The following ZNF587 variants were observed in gnomAD, a reference collection of about 807,000 sequenced individuals.
The protein encoded by ZNF587 is zinc finger protein 587, also known as zinc finger protein zfp6.
A neutral mutation model predicts 7.5 loss-of-function variants in ZNF587; 8 were observed. The observed-to-expected ratio is 1.06, with a 90% CI of 0.62 to 1.92. ZNF587 has a LOEUF of 1.92. Ranked by LOEUF, ZNF587 falls within the 40% of genes most tolerant of loss-of-function variation. ZNF587 has a pLI of 0.00. For synonymous variants in ZNF587, 145 were observed against 237.8 expected (o/e 0.61, Z 3.59); for missense variants, 468 against 692.8 (o/e 0.68, Z 3.64).
At position 57,859,887 on chromosome 19, in the gene ZNF587, A is replaced by G; in HGVS notation, c.1475A>G (p.Tyr492Cys). ...AGGATTCACACTGGAGAAAGGCCGT[A>G]TGAATGCAGTGAATGTGGGAAATCA... ...HQRIHTGERP[Y>C]ECSECGKSFL... is the part of the protein sequence containing the mutation. The change falls in exon 3 of 3, where the codon TAT (tyrosine) becomes TGT (cysteine). Residue 492 changes from tyrosine (Y) to cysteine (C), a missense_variant. By Grantham distance (194) the Tyr-to-Cys change is radical. Transcript: ENST00000339656. The G allele has an allele frequency of 6.2e-7, 1 of 1,614,264 alleles. No homozygotes were observed. Among genetic ancestry groups the G allele is most frequent in the Non-Finnish European group, 8.5e-7 (1 of 1,180,042 alleles).
intron 1 of ZNF587, among the ~76,000 whole-genome samples, chr19:57,853,233 C>T (rs1046317872): frequency 1.3e-5 from 2 of 152,194 alleles, no homozygotes; most frequent in African/African-American, 4.8e-5. Flanking sequence ...ATCTTAGCAG[C>T]TGTAACCATG....
At position 57,863,068 on chromosome 19, in the gene ZNF587, C is replaced by G; in HGVS notation, c.*2928C>G. The G allele has an allele frequency of 6.5e-6, 1 of 153,004 alleles. No individual in the cohort carries two copies. The highest frequency in any genetic ancestry group is 1.5e-5 in the Non-Finnish European group (1 of 68,250). 9.5% of individuals were successfully genotyped at this position (153,004 alleles called of 1,614,324 possible). A position where few individuals can be genotyped will look rare whatever the true frequency, so the allele number is the denominator to read the frequency against. On this transcript the variant is annotated 3_prime_UTR_variant, in exon 3 of 3. Transcript: ENST00000339656. ...CCGGGTTCACGCCATTCTCTTGCCTCAGCCTCCTGAGTAGCTGGGACCACA... is the reference window on the plus strand; with the variant it reads ...CCGGGTTCACGCCATTCTCTTGCCTGAGCCTCCTGAGTAGCTGGGACCACA...
At chr19:57,852,537 TTTTC>T in intron 1 of ZNF587, 1 of 394,796 alleles carries the variant, frequency 2.5e-6, no homozygotes, top group Non-Finnish European at 4.5e-6. Flanking sequence ...TTTCTTTTTT[TTTTC>T]TTAACGTGGA....
In ZNF587 at chr19:57,861,197, C is replaced by T. The variant is rs1434450277; in HGVS notation, c.*1057C>T. 1 of 152,114 alleles carries T rather than the reference C, an allele frequency of 6.6e-6. No individual in the cohort carries two copies. The allele number at this position is 152,114 out of a possible 1,614,324, so 9.4% of individuals were successfully genotyped here. The stretch of plus-strand genomic sequence containing the variant: ...CTATGACTTAAGAATGAAATTATTG[C>T]TCATTTGTATATCTATCTACCATCA... On this transcript the variant is annotated 3_prime_UTR_variant, in exon 3 of 3. Coordinates refer to ENST00000339656, the MANE Select transcript of ZNF587 (RefSeq NM_032828.4).
In ZNF587 at chr19:57,862,332, A is replaced by G. The variant is rs527269564; in HGVS notation, c.*2192A>G. The G allele has an allele frequency of 1.1e-4, 16 of 152,362 alleles. No homozygotes were observed. The highest frequency in any genetic ancestry group is 1.4e-4 in the African/African-American group (6 of 41,594). The allele number at this position is 152,362 out of a possible 1,614,324, so 9.4% of individuals were successfully genotyped here. A position where few individuals can be genotyped will look rare whatever the true frequency, so the allele number is the denominator to read the frequency against. On this transcript the variant is annotated 3_prime_UTR_variant, in exon 3 of 3. Coordinates refer to ENST00000339656, the MANE Select transcript of ZNF587 (RefSeq NM_032828.4). ...AAGAACTTTATGTTATCCAAGTTCT[A>G]GGATAGCCATGAGCTCCAATTATCT...
At chr19:57,855,116 A>G (rs534720136) in intron 1 of ZNF587, among the ~76,000 whole-genome samples, 9 of 151,816 alleles carry the variant, frequency 5.9e-5, no homozygotes, top group African/African-American at 9.7e-5. Context: ...CCTGGGAGGC[A>G]GAGCTTGCAC....
In ZNF587 at chr19:57,859,231, T is replaced by C; in HGVS notation, c.819T>C (p.Cys273=). The C allele has an allele frequency of 6.2e-7, 1 of 1,606,384 alleles. No homozygotes were observed. The highest frequency in any genetic ancestry group is 8.5e-7 in the Non-Finnish European group (1 of 1,177,490). The change falls in exon 3 of 3, where the codon TGT becomes TGC. Residue 273 remains cysteine (C), a synonymous_variant. Coordinates refer to ENST00000339656, the MANE Select transcript of ZNF587 (RefSeq NM_032828.4). ...AAGGACCTTATGATTGTGGAGAGTG[T>C]GGGAAATCTTATAGTCGAAAGAGCA... ...TAKGPYDCGE[C]GKSYSRKSSL...
At chr19:57,851,598 A>T (rs551817673) in intron 1 of ZNF587, 4 of 153,568 alleles carry the variant, frequency 2.6e-5, no homozygotes, top group African/African-American at 9.6e-5. Flanking sequence ...GCAGATGGAC[A>T]GAGCTGGAAG....
intron 2 of ZNF587, chr19:57,858,057 C>G (rs2071386138): frequency 1.3e-5 from 2 of 159,608 alleles, no homozygotes; most frequent in South Asian, 3.4e-4. Context: ...TGCTTGTGCT[C>G]TTTACATCAT....
chr19:57,862,955 G>A lies in ZNF587; in HGVS notation c.*2815G>A, dbSNP rs752836683. The A allele has an allele frequency of 6.5e-6, 1 of 154,752 alleles. No individual in the cohort carries two copies. Among genetic ancestry groups the A allele is most frequent in the East Asian group, 1.9e-4 (1 of 5,184 alleles). 9.6% of individuals were successfully genotyped at this position (154,752 alleles called of 1,614,324 possible). A position where few individuals can be genotyped will look rare whatever the true frequency, so the allele number is the denominator to read the frequency against. ...CAGTTTCAAGCAAAGTTATTGAGTG[G>A]ACACTTTGTGTTTTTTTTGAGAAGT... On this transcript the variant is annotated 3_prime_UTR_variant, in exon 3 of 3. Coordinates refer to ENST00000339656, the MANE Select transcript of ZNF587 (RefSeq NM_032828.4).
rs2071433192 is a variant in ZNF587 at position 57,861,649 on chromosome 19, A to G, written c.*1509A>G. The G allele has an allele frequency of 6.6e-6, 1 of 152,246 alleles. No individual in the cohort carries two copies. The highest frequency in any genetic ancestry group is 2.4e-5 in the African/African-American group (1 of 41,460). 9.4% of individuals were successfully genotyped at this position (152,246 alleles called of 1,614,324 possible). On this transcript the variant is annotated 3_prime_UTR_variant, in exon 3 of 3. Coordinates refer to ENST00000339656, the MANE Select transcript of ZNF587 (RefSeq NM_032828.4). ...GGCCTCACCTGTAGGCTTGTTTTTT[A>G]AAATGAATTTTATCTATTTCCCATT...
chr19:57,851,553 G>A (rs77458900), intron 1 of ZNF587: 8,628 of 154,432 alleles, frequency 0.056, 311 homozygotes, highest in Non-Finnish European at 0.074. Flanking sequence ...AGTGGGGAGA[G>A]TGACAGGCAC....
chr19:57,851,613 G>T, intron 1 of ZNF587: 1 of 153,304 alleles, frequency 6.5e-6, no homozygotes, highest in South Asian at 1.8e-4. Context: ...TGGAAGGATG[G>T]AACCTGGGGT....
chr19:57,850,038 G>A lies in ZNF587; in HGVS notation c.-1G>A, dbSNP rs766005988. The A allele has an allele frequency of 3.3e-5, 54 of 1,614,128 alleles. No homozygotes were observed. Among genetic ancestry groups the A allele is most frequent in the South Asian group, 2.4e-4 (22 of 91,096 alleles). ...CGGGCCGTGCTTCCCCAAGTAGTCC[G>A]ATGGCAGCGGCTGTGCCGAGGCGCC... On this transcript the variant is annotated 5_prime_UTR_variant, in exon 1 of 3. Transcript: ENST00000339656.
chr19:57,850,204 CCT>C, intron 1 of ZNF587, 133 bp downstream of exon 1: 1 of 1,542,090 alleles, frequency 6.5e-7, no homozygotes, highest in Admixed American at 1.9e-5. Flanking sequence ...TCACAGGAGG[CCT>C]CTCCTTGTAA....
intron 1 of ZNF587, among the ~76,000 whole-genome samples, chr19:57,853,501 G>A (rs1355448173): frequency 2.0e-5 from 3 of 152,138 alleles, no homozygotes; most frequent in Admixed American, 2.0e-4. Context: ...AATCTTTTCA[G>A]GGGGCAGAAA....
chr19:57,857,182 C>G (rs1315623990), intron 2 of ZNF587: 1 of 151,914 alleles, frequency 6.6e-6, no homozygotes, highest in Non-Finnish European at 1.5e-5. Context: ...AGGCTCATCA[C>G]GATAGGCTCA....
chr19:57,857,710 G>A (rs2071379421), intron 2 of ZNF587, among the ~76,000 whole-genome samples: 1 of 151,784 alleles, frequency 6.6e-6, no homozygotes, highest in Non-Finnish European at 1.5e-5. Context: ...TCTCGGCTCA[G>A]TGTAACCTCT....
chr19:57,854,519 G>A (rs1393939924), intron 1 of ZNF587, among the ~76,000 whole-genome samples: 1 of 151,694 alleles, frequency 6.6e-6, no homozygotes, highest in Non-Finnish European at 1.5e-5. Flanking sequence ...GTGAAAGTGG[G>A]ACAACCTTAA....
Sources: gnomAD v4.1 joint callset for allele counts (sites outside exome capture counted in the v4.1 genomes callset) on GRCh38, gnomAD v4.1.1 for gene constraint, MANE v1.5 for transcripts, NCBI Gene and HGNC (gene_info 2026-07-23, HGNC 2026-07-21) for gene names.